Variants in HRG observed in about 807,000 individuals in gnomAD.
HRG encodes histidine rich glycoprotein.
A neutral mutation model predicts 29.5 loss-of-function variants in HRG; 26 were observed. The ratio of observed to expected loss-of-function variants is 0.88; its 90% CI spans 0.65 to 1.22. HRG has a LOEUF of 1.22. Ranked by LOEUF, HRG falls within the 50% of genes most tolerant of loss-of-function variation. The pLI is 0.00. For synonymous variants in HRG, 243 were observed against 240.4 expected, an observed-to-expected ratio of 1.01 and a Z score of -0.10; for missense variants, 671 against 654.5, an observed-to-expected ratio of 1.03 and a Z score of -0.28.
intron 4 of HRG, 131 bp from the exon 5 acceptor site, chr3:186,672,656 A>T (rs1718838880): frequency 4.2e-6 from 3 of 713,150 alleles, no homozygotes; most frequent in Non-Finnish European, 2.6e-6. Context: ...AAACCATTTT[A>T]AAAAATGACA....
rs1422294240 is a variant in HRG at position 186,674,956 on chromosome 3, G to A, written c.640-133G>A. ...AAGGAAAGATTGCTGAACGACTGGT[G>A]GGAATATCTGATCATATTACCCTGA... On this transcript the variant is annotated intron_variant, in intron 5 of 6. Transcript: ENST00000232003. The A allele has an allele frequency of 5.4e-6, 4 of 745,380 alleles. No homozygotes were observed. In the Admixed American group the frequency reaches 6.9e-5, roughly 13 times the overall value. 46.2% of individuals were successfully genotyped at this position (745,380 alleles called of 1,614,324 possible).
intron 4 of HRG, 146 bp from the exon 5 acceptor site, chr3:186,672,641 G>A: frequency 7.2e-6 from 5 of 691,764 alleles, no homozygotes; most frequent in Non-Finnish European, 1.3e-5. Flanking sequence ...ATTTTTAAAA[G>A]GCAGAAACCA....
At chr3:186,670,916 A>T (rs1718765503) in intron 3 of HRG, among the ~76,000 whole-genome samples, 1 of 152,162 alleles carries the variant, frequency 6.6e-6, no homozygotes, top group African/African-American at 2.4e-5. Context: ...AGCAAATCCA[A>T]ATATGATATT....
intron 1 of HRG, 187 bp from the exon 2 acceptor site, chr3:186,668,748 T>A (rs943877554): frequency 6.9e-6 from 4 of 579,320 alleles, no homozygotes; most frequent in Non-Finnish European, 9.2e-6. Context: ...TTAAAAAGAT[T>A]TGGAAATAAC....
chr3:186,671,875 T>G (rs1718809495), intron 4 of HRG, 86 bp downstream of exon 4: 1 of 1,102,198 alleles, frequency 9.1e-7, no homozygotes, highest in Non-Finnish European at 1.4e-6. Context: ...CCTCTCCACC[T>G]GCCTCAATTG....
chr3:186,666,901 A>AGACT (rs890727309), intron 1 of HRG: 1 of 150,646 alleles, frequency 6.6e-6, no homozygotes, highest in African/African-American at 2.4e-5. Flanking sequence ...CAACAAAGCT[A>AGACT]GACTCCATCT....
chr3:186,666,990 T>G (rs1718632446), intron 1 of HRG: 1 of 152,004 alleles, frequency 6.6e-6, no homozygotes, highest in Admixed American at 6.6e-5. Flanking sequence ...TCTTCATAAA[T>G]GAAGACTCAG....
rs528186513 is a variant in HRG, at chr3:186,677,870, C to T, written c.1565C>T (p.Thr522Ile). Residue 522 changes from threonine (T) to isoleucine (I), a missense_variant, in exon 7 of 7, where the codon ACA (threonine) becomes ATA (isoleucine). Transcript: ENST00000232003. ...CAAGTTTCCATGTTTTTTACACATA[C>T]ATTTCCAAAATAAAATGTGATTCCT... ...FPQVSMFFTHTFPK is the reference protein window; with the variant it reads ...FPQVSMFFTHIFPK 18 of 1,613,334 alleles carry T rather than the reference C, an allele frequency of 1.1e-5. No homozygotes were observed. Among genetic ancestry groups the T allele is most frequent in the Non-Finnish European group, 1.5e-5 (18 of 1,179,364 alleles).
Position 186,671,800 on chromosome 3 carries a change from A to T in HRG, c.558+11A>T. On this transcript the variant is annotated intron_variant, in intron 4 of 6. Coordinates refer to ENST00000232003, the MANE Select transcript of HRG (RefSeq NM_000412.5). ...AGAGTTGCAAGAGTGGTGAGTCTCC[A>T]CTAAGGTTCGGTTGGAGTCTGAAGG... 6.2e-7 allele frequency: 1 copy of T among 1,613,264 alleles called. No individual in the cohort carries two copies. Among genetic ancestry groups the T allele is most frequent in the Non-Finnish European group, 8.5e-7 (1 of 1,179,386 alleles).
At position 186,675,818 on chromosome 3, in the gene HRG, A is replaced by G. The variant is rs182043248; in HGVS notation, c.741+628A>G. 1.2e-3 allele frequency among the ~76,000 whole-genome samples: 180 copies of G among 152,152 alleles called. 2 individuals are homozygous for G. The highest frequency in any genetic ancestry group is 3.9e-3 in the Admixed American group (60 of 15,270). ...AACATCCAATCCCAAGTTAAAAAAA[A>G]GAAAAAGGAACAAAGGGCAGGATTG... On this transcript the variant is annotated intron_variant, in intron 6 of 6. Coordinates refer to ENST00000232003, the MANE Select transcript of HRG (RefSeq NM_000412.5).
chr3:186,675,865 CTTT>C (rs56248425), intron 6 of HRG, among the ~76,000 whole-genome samples: 5 of 97,078 alleles, frequency 5.2e-5, no homozygotes, highest in East Asian at 3.5e-4. Flanking sequence ...ATGGCTCTGT[CTTT>C]TTTTTTTTTT....
chr3:186,668,846 T>A (rs934293137), intron 1 of HRG, 89 bp from the exon 2 acceptor site: 1 of 742,640 alleles, frequency 1.3e-6, no homozygotes, highest in Non-Finnish European at 2.4e-6. Flanking sequence ...GGAATTCTGT[T>A]TAAGTAATAA....
At chr3:186,670,418 T>C (rs958552758) in intron 3 of HRG, among the ~76,000 whole-genome samples, 2 of 152,192 alleles carry the variant, frequency 1.3e-5, no homozygotes, top group Non-Finnish European at 2.9e-5. Context: ...TTATGACACT[T>C]TCTATTTAAG....
chr3:186,669,464 G>A (rs1166788288), intron 2 of HRG: 3 of 335,996 alleles, frequency 8.9e-6, no homozygotes, highest in Non-Finnish European at 1.7e-5. Flanking sequence ...TTCAGGAATG[G>A]CCAAAGTAAT....
chr3:186,670,050 C>T, intron 3 of HRG, 22 bp downstream of exon 3: 1 of 1,181,320 alleles, frequency 8.5e-7, no homozygotes, highest in Non-Finnish European at 1.3e-6. Context: ...TGTTAAATTG[C>T]TAATTAATTC....
chr3:186,668,968 G>A lies in HRG; in HGVS notation c.217G>A (p.Val73Met), dbSNP rs1718696816. The change falls in exon 2 of 7, where the codon GTG becomes ATG. Residue 73 changes from valine to methionine, a missense_variant. Val to Met is a conservative substitution (Grantham distance 21). Coordinates refer to ENST00000232003, the MANE Select transcript of HRG (RefSeq NM_000412.5). The stretch of plus-strand genomic sequence containing the variant: ...AACTGTATATTACTTAGTCTTAGAT[G>A]TGCAAGAATCGGACTGTTCGGTCCT... ...NTTVYYLVLDVQESDCSVLSR... is the reference protein window; with the variant it reads ...NTTVYYLVLDMQESDCSVLSR... 6.2e-7 allele frequency: 1 copy of A among 1,610,870 alleles called. No homozygotes were observed. The highest frequency in any genetic ancestry group is 2.2e-5 in the East Asian group (1 of 44,870).
At position 186,677,459 on chromosome 3, in the gene HRG, A is replaced by C. The variant is rs772525961; in HGVS notation, c.1154A>C (p.His385Pro). Reference sequence around the variant, plus strand: ...CATAGACAGCATCCCCATGGACACCACCCCCATGGACACCATCCTCATGGA... The same window carrying C: ...CATAGACAGCATCCCCATGGACACCCCCCCCATGGACACCATCCTCATGGA... ...DTHRQHPHGH[H>P]PHGHHPHGHH... Residue 385 changes from histidine to proline, a missense_variant, in exon 7 of 7, where the codon CAC (histidine) becomes CCC (proline). By Grantham distance (77) the His-to-Pro change is moderately conservative (BLOSUM62 -2). Coordinates refer to ENST00000232003, the MANE Select transcript of HRG (RefSeq NM_000412.5). 5 of 1,588,122 alleles carry C rather than the reference A, an allele frequency of 3.1e-6. No individual in the cohort carries two copies. In the African/African-American group the frequency reaches 5.4e-5, roughly 17 times the overall value.
intron 3 of HRG, among the ~76,000 whole-genome samples, chr3:186,670,739 G>A (rs1035298136): frequency 2.0e-5 from 3 of 152,076 alleles, no homozygotes; most frequent in South Asian, 2.1e-4. Context: ...TAGAGATGGA[G>A]TTTCTCCATG....
chr3:186,676,507 G>T (rs931501820), intron 6 of HRG, among the ~76,000 whole-genome samples: 4 of 151,796 alleles, frequency 2.6e-5, no homozygotes, highest in African/African-American at 4.8e-5. Flanking sequence ...GGGCATGGTG[G>T]CTCATGCCTG....
Sources: allele counts gnomAD v4.1 joint callset (sites outside exome capture counted in the v4.1 genomes callset), GRCh38; gene constraint gnomAD v4.1.1; transcripts MANE v1.5; gene names NCBI Gene and HGNC (gene_info 2026-07-23, HGNC 2026-07-21).